PPP3CA: variants seen among roughly 807,000 people sequenced by gnomAD.
PPP3CA encodes protein phosphatase 3 catalytic subunit alpha.
Under a neutral mutation model 66.5 loss-of-function variants are expected in PPP3CA, and 14 were observed. The observed-to-expected ratio is 0.21, with a 90% CI of 0.14 to 0.33. The LOEUF is 0.33. Ranked by LOEUF, PPP3CA falls within the 10% of genes least tolerant of loss-of-function variation. The probability of loss-of-function intolerance (pLI) is 1.00; values close to 1 mark genes in which losing one functional copy is unlikely to be tolerated. For synonymous variants in PPP3CA, 232 were observed against 226.2 expected (o/e 1.03, Z -0.23); for missense variants, 317 against 639.5 (o/e 0.50, Z 5.44).
At chr4:101,292,162 A>G (rs1728050376) in intron 1 of PPP3CA, among the ~76,000 whole-genome samples, 1 of 151,684 alleles carries the variant, frequency 6.6e-6, no homozygotes. Context: ...ACTCTTCCCT[A>G]AAAAGTTCTA....
intron 2 of PPP3CA, among the ~76,000 whole-genome samples, chr4:101,123,625 A>G (rs1308114035): frequency 6.6e-6 from 1 of 152,076 alleles, no homozygotes; most frequent in African/African-American, 2.4e-5. Flanking sequence ...GAGCCTATGA[A>G]TTCGAGACCA....
At chr4:101,270,752 A>G (rs920053741) in intron 1 of PPP3CA, among the ~76,000 whole-genome samples, 3 of 152,194 alleles carry the variant, frequency 2.0e-5, no homozygotes, top group East Asian at 1.9e-4. Context: ...GATGCCCTAC[A>G]TAAGACTTAA....
At chr4:101,091,384 T>A (rs1729933019) in intron 6 of PPP3CA, among the ~76,000 whole-genome samples, 1 of 152,178 alleles carries the variant, frequency 6.6e-6, no homozygotes, top group South Asian at 2.1e-4. Context: ...AGAAATATTA[T>A]ACCATGCGTC....
At chr4:101,232,304 G>A (rs1725987393) in intron 1 of PPP3CA, among the ~76,000 whole-genome samples, 1 of 151,602 alleles carries the variant, frequency 6.6e-6, no homozygotes, top group Non-Finnish European at 1.5e-5. Context: ...TAGTAATGAT[G>A]AATTGTGCTG....
chr4:101,285,800 G>C lies in PPP3CA; in HGVS notation c.58+60939C>G, dbSNP rs147576218. On this transcript the variant is annotated intron_variant, in intron 1 of 13. Transcript: ENST00000394854. Reference sequence around the variant, plus strand: ...TGAATCATGCCATTAATCAATACTAGTGTGAATCACCACAAAGCCGGTCCA... The same window carrying C: ...TGAATCATGCCATTAATCAATACTACTGTGAATCACCACAAAGCCGGTCCA... Among the ~76,000 whole-genome samples the C allele has an allele frequency of 5.8e-3, 883 of 152,228 alleles. 9 individuals carry two copies. The highest frequency in any genetic ancestry group is 0.015 in the South Asian group (73 of 4,824).
intron 12 of PPP3CA, among the ~76,000 whole-genome samples, chr4:101,030,741 G>T (rs1726910520): frequency 6.6e-6 from 1 of 152,056 alleles, no homozygotes. Flanking sequence ...ACTATGTACT[G>T]CCCACTATTA....
At chr4:101,034,199 T>G (rs1341325035) in intron 11 of PPP3CA, among the ~76,000 whole-genome samples, 1 of 152,156 alleles carries the variant, frequency 6.6e-6, no homozygotes, top group Non-Finnish European at 1.5e-5. Context: ...TCCACTTTCC[T>G]TAGACATACC....
rs144634095 is a variant in PPP3CA at position 101,341,749 on chromosome 4, T to C, written c.58+4990A>G. Among the ~76,000 whole-genome samples, 7 of 152,332 alleles carry C rather than the reference T, an allele frequency of 4.6e-5. No homozygotes were observed. In the East Asian group the frequency reaches 1.3e-3, roughly 29 times the overall value. On this transcript the variant is annotated intron_variant, in intron 1 of 13. Transcript: ENST00000394854. The stretch of plus-strand genomic sequence containing the variant: ...AAAGCTGAAGTTCAAGGTCTCACCA[T>C]ATCCCTCTTGTATATCAAGAGACTG...
rs10033904 is a variant in PPP3CA, at chr4:101,285,599, A to G, written c.58+61140T>C. ...TTCCCTTTCAAATGCCACTGTGTGT[A>G]TGTGTGTGTGTGTGTGTGTGTGTGT... On this transcript the variant is annotated intron_variant, in intron 1 of 13. Coordinates refer to ENST00000394854, the MANE Select transcript of PPP3CA (RefSeq NM_000944.5). 5.4e-3 allele frequency among the ~76,000 whole-genome samples: 667 copies of G among 124,576 alleles called. 9 individuals carry two copies. The highest frequency in any genetic ancestry group is 0.016 in the African/African-American group (543 of 32,990). The allele number at this position is 124,576 out of a possible 152,430, so 81.7% of individuals were successfully genotyped here. A position where few individuals can be genotyped will look rare whatever the true frequency, so the allele number is the denominator to read the frequency against.
intron 8 of PPP3CA, among the ~76,000 whole-genome samples, chr4:101,077,826 T>C (rs1578425008): frequency 7.7e-6 from 1 of 130,334 alleles, no homozygotes. Context: ...TGGTATCTGT[T>C]TTTTTTTTTT....
Position 101,199,736 on chromosome 4 carries a change from C to G in PPP3CA, c.59-3620G>C, listed in dbSNP as rs149708968. On this transcript the variant is annotated intron_variant, in intron 1 of 13. Coordinates refer to ENST00000394854, the MANE Select transcript of PPP3CA (RefSeq NM_000944.5). ...TTCTCATGTCATTGACTGTGGAAAT[C>G]CGGCAGAGACTGATTTTCAAGGGTC... 2.3e-3 allele frequency among the ~76,000 whole-genome samples: 352 copies of G among 152,268 alleles called. 6 individuals are homozygous for G. The highest frequency in any genetic ancestry group is 8.3e-3 in the African/African-American group (345 of 41,544).
At chr4:101,181,840 A>G (rs1724246623) in intron 2 of PPP3CA, among the ~76,000 whole-genome samples, 1 of 152,174 alleles carries the variant, frequency 6.6e-6, no homozygotes, top group Non-Finnish European at 1.5e-5. Context: ...GCTAAACAGC[A>G]CAATTAGGGA....
intron 10 of PPP3CA, among the ~76,000 whole-genome samples, chr4:101,044,095 T>C (rs923501267): frequency 2.0e-5 from 3 of 152,158 alleles, no homozygotes; most frequent in Non-Finnish European, 4.4e-5. Flanking sequence ...CTCACAAAGA[T>C]TTATAATACT....
chr4:101,076,108 A>G (rs1407569984), intron 8 of PPP3CA, among the ~76,000 whole-genome samples: 3 of 152,170 alleles, frequency 2.0e-5, no homozygotes, highest in Non-Finnish European at 4.4e-5. Context: ...TTGAGTAATT[A>G]GGAAATAGGT....
chr4:101,284,956 T>C (rs544764605), intron 1 of PPP3CA, among the ~76,000 whole-genome samples: 42 of 152,300 alleles, frequency 2.8e-4, no homozygotes, highest in African/African-American at 9.6e-4. Flanking sequence ...TAAAATGTCA[T>C]ACTTATTCAT....
intron 1 of PPP3CA, among the ~76,000 whole-genome samples, chr4:101,222,996 C>G (rs566562673): frequency 1.3e-5 from 2 of 151,808 alleles, no homozygotes; most frequent in South Asian, 2.1e-4. Context: ...CTCTGACAGT[C>G]TATTAATGCA....
intron 5 of PPP3CA, among the ~76,000 whole-genome samples, chr4:101,097,546 A>C (rs1448895782): frequency 1.3e-5 from 2 of 152,126 alleles, no homozygotes; most frequent in African/African-American, 4.8e-5. Context: ...TTTTAAAATG[A>C]CCTAAGAAAA....
intron 1 of PPP3CA, among the ~76,000 whole-genome samples, chr4:101,217,445 T>C (rs1725492277): frequency 6.6e-6 from 1 of 152,144 alleles, no homozygotes; most frequent in African/African-American, 2.4e-5. Flanking sequence ...ATTCAATATT[T>C]AGACTATGAA....
intron 8 of PPP3CA, among the ~76,000 whole-genome samples, chr4:101,064,132 A>G (rs1728586458): frequency 6.6e-6 from 1 of 151,930 alleles, no homozygotes; most frequent in Admixed American, 6.6e-5. Context: ...TCTATCCTTG[A>G]TTTCTGAAAA....
Sources: gnomAD v4.1 joint callset for allele counts (sites outside exome capture counted in the v4.1 genomes callset) on GRCh38, gnomAD v4.1.1 for gene constraint, MANE v1.5 for transcripts, NCBI Gene and HGNC (gene_info 2026-07-23, HGNC 2026-07-21) for gene names.